The following DAB1 variants were observed in gnomAD, a reference collection of about 807,000 sequenced individuals.
DAB1 encodes the protein DAB adaptor protein 1, also known as disabled homolog 1.
A neutral mutation model predicts 64.6 loss-of-function variants in DAB1; 15 were observed. The ratio of observed to expected loss-of-function variants is 0.23; its 90% CI spans 0.16 to 0.36. The LOEUF is 0.36. Among genes scored for constraint, DAB1 ranks in the 10% least tolerant of loss-of-function variants. DAB1 has a pLI of 1.00. For missense variants in DAB1, 596 were observed against 706.7 expected (o/e 0.84, Z 1.78); for synonymous variants, 235 against 251.9 (o/e 0.93, Z 0.64).
intron 2 of DAB1, among the ~76,000 whole-genome samples, chr1:57,172,066 G>A (rs987191760): frequency 2.6e-5 from 4 of 152,038 alleles, no homozygotes; most frequent in Non-Finnish European, 5.9e-5. Flanking sequence ...GCATCTTCTG[G>A]CTTGTAGACA....
intron 7 of DAB1, among the ~76,000 whole-genome samples, chr1:57,639,944 A>C (rs984265596): frequency 1.3e-5 from 2 of 152,178 alleles, no homozygotes; most frequent in African/African-American, 2.4e-5. Flanking sequence ...AAAGGTCCCC[A>C]AAATACTTGG....
At chr1:57,465,629 G>A (rs930827784) in intron 7 of DAB1, among the ~76,000 whole-genome samples, 1 of 152,196 alleles carries the variant, frequency 6.6e-6, no homozygotes, top group Admixed American at 6.5e-5. Context: ...ATTGGGGATG[G>A]ATTTTTATTT....
At chr1:57,125,958 A>G (rs1283042483) in intron 4 of DAB1, among the ~76,000 whole-genome samples, 1 of 152,164 alleles carries the variant, frequency 6.6e-6, no homozygotes, top group Non-Finnish European at 1.5e-5. Context: ...CAATTCCACA[A>G]ATATCTACTA....
At position 57,531,367 on chromosome 1, in the gene DAB1, C is replaced by T. The variant is rs138838679; in HGVS notation, n.625+118225G>A. Among the ~76,000 whole-genome samples the T allele has an allele frequency of 8.5e-4, 130 of 152,276 alleles. 2 individuals carry two copies. In the East Asian group the frequency reaches 0.024, roughly 28 times the overall value. ...GAAATCCTATAAAACTGCCCCACCCCTATCTTCCTTGCTGACTCTCTTTTC... is the reference window on the plus strand; with the variant it reads ...GAAATCCTATAAAACTGCCCCACCCTTATCTTCCTTGCTGACTCTCTTTTC... On this transcript the variant is annotated intron_variant and non_coding_transcript_variant, in intron 7 of 20. Coordinates refer to the DAB1 transcript ENST00000485760.
At chr1:57,861,883 G>A (rs191410340) in intron 1 of DAB1, among the ~76,000 whole-genome samples, 1 of 151,852 alleles carries the variant, frequency 6.6e-6, no homozygotes, top group East Asian at 1.9e-4. Flanking sequence ...TCAGGAATAG[G>A]AGAGACATGA....
intron 4 of DAB1, among the ~76,000 whole-genome samples, chr1:57,101,508 C>A (rs1200959427): frequency 6.6e-6 from 1 of 152,200 alleles, no homozygotes. Flanking sequence ...GCTATCTGAA[C>A]CAAATCCAAT....
chr1:57,464,552 T>C (rs1191756902), intron 7 of DAB1, among the ~76,000 whole-genome samples: 1 of 152,184 alleles, frequency 6.6e-6, no homozygotes, highest in Non-Finnish European at 1.5e-5. Context: ...CTTGGGTTTG[T>C]TTCATTCATT....
chr1:57,451,840 G>A (rs17426353), intron 7 of DAB1, among the ~76,000 whole-genome samples: 16,086 of 152,168 alleles, frequency 0.11, 937 homozygotes, highest in Non-Finnish European at 0.13. Flanking sequence ...CTCTTTCTGA[G>A]CTATCACTTT....
chr1:57,047,366 C>G (rs1648641550), intron 9 of DAB1, among the ~76,000 whole-genome samples: 1 of 152,108 alleles, frequency 6.6e-6, no homozygotes, highest in Admixed American at 6.6e-5. Context: ...AGCCCTAACC[C>G]CCAGTGTGAA....
chr1:57,164,269 C>T (rs1340716701), intron 2 of DAB1, among the ~76,000 whole-genome samples: 2 of 152,062 alleles, frequency 1.3e-5, no homozygotes, highest in East Asian at 3.9e-4. Context: ...CAGATATGAC[C>T]ATATAAAAGC....
At chr1:58,242,974 T>G (rs553456569) in intron 4 of DAB1, among the ~76,000 whole-genome samples, 53 of 152,274 alleles carry the variant, frequency 3.5e-4, no homozygotes, top group African/African-American at 1.2e-3. Context: ...ATAGCCACCA[T>G]GATGATGCAC....
rs78191948 is a variant in DAB1, at chr1:58,098,523, C to T, written n.387+51988G>A. Among the ~76,000 whole-genome samples, 502 of 152,256 alleles carry T rather than the reference C, an allele frequency of 3.3e-3. 2 individuals are homozygous for T. The highest frequency in any genetic ancestry group is 0.011 in the African/African-American group (472 of 41,536). On this transcript the variant is annotated intron_variant and non_coding_transcript_variant, in intron 5 of 20. Transcript: ENST00000485760. Reference sequence around the variant, plus strand: ...CCCTCTGCTGATGCTCCCTGTTGGCCACACTGAACCAGGAGTCATGAACTA... The same window carrying T: ...CCCTCTGCTGATGCTCCCTGTTGGCTACACTGAACCAGGAGTCATGAACTA...
intron 6 of DAB1, among the ~76,000 whole-genome samples, chr1:57,746,756 T>C (rs1648290318): frequency 1.3e-5 from 2 of 152,214 alleles, no homozygotes; most frequent in Admixed American, 1.3e-4. Flanking sequence ...ATCATTTTTA[T>C]TTCTATTATT....
At chr1:58,249,191 C>G (rs1570539222) in intron 4 of DAB1, among the ~76,000 whole-genome samples, 1 of 152,042 alleles carries the variant, frequency 6.6e-6, no homozygotes, top group Non-Finnish European at 1.5e-5. Context: ...CGCACACACA[C>G]ACACATTCTC....
intron 1 of DAB1, among the ~76,000 whole-genome samples, chr1:57,344,595 G>A (rs372159059): frequency 1.9e-4 from 29 of 152,030 alleles, no homozygotes; most frequent in African/African-American, 6.7e-4. Context: ...CTGATGAATC[G>A]AGGCGAAGGT....
intron 6 of DAB1, among the ~76,000 whole-genome samples, chr1:57,775,082 A>T (rs1649731094): frequency 6.6e-6 from 1 of 151,638 alleles, no homozygotes; most frequent in African/African-American, 2.4e-5. Context: ...CTTTATTAAC[A>T]CTAACATTTA....
chr1:57,956,722 C>T (rs76477204), intron 5 of DAB1, among the ~76,000 whole-genome samples: 3 of 152,224 alleles, frequency 2.0e-5, no homozygotes, highest in Admixed American at 1.3e-4. Context: ...TGTAAGGGTA[C>T]GTGTAACCAC....
intron 2 of DAB1, among the ~76,000 whole-genome samples, chr1:57,270,003 C>T (rs542792059): frequency 6.6e-6 from 1 of 152,158 alleles, no homozygotes; most frequent in African/African-American, 2.4e-5. Flanking sequence ...GACAATACAG[C>T]CTGGGATCCC....
Position 57,290,976 on chromosome 1 carries a change from A to G in DAB1, c.55T>C (p.Ser19Pro). 6.2e-7 allele frequency: 1 copy of G among 1,610,670 alleles called. No individual in the cohort carries two copies. The highest frequency in any genetic ancestry group is 8.5e-7 in the Non-Finnish European group (1 of 1,178,322). Residue 19 changes from serine (S) to proline (P), a missense_variant, in exon 2 of 15, where the codon TCC (serine) becomes CCC (proline). Physicochemically the swap from Ser to Pro is moderately conservative, Grantham distance 74 (BLOSUM62 -1). Transcript: ENST00000371236. ...AATTCAGCCCTACCTTTCTTTCTGG[A>G]GTCTTTCTTGGCGCTGGTTTTCACA... is the stretch of plus-strand genomic sequence containing the variant. Reference protein sequence around the residue: ...VAVKTSAKKDSRKKGQDRSEA... With the variant: ...VAVKTSAKKDPRKKGQDRSEA...
Sources: gnomAD v4.1 joint callset for allele counts (sites outside exome capture counted in the v4.1 genomes callset) on GRCh38, gnomAD v4.1.1 for gene constraint, MANE v1.5 for transcripts, NCBI Gene and HGNC (gene_info 2026-07-23, HGNC 2026-07-21) for gene names.